G2E3: variants seen among roughly 807,000 people sequenced by gnomAD.
The protein encoded by G2E3 is G2/M phase-specific E3 ubiquitin-protein ligase.
G2E3 carries 35 observed loss-of-function variants against 92.8 expected under a neutral mutation model. The observed-to-expected ratio is 0.38, with a 90% CI of 0.29 to 0.50. The LOEUF (loss-of-function observed/expected upper bound fraction) is 0.50. G2E3 is among the 20% of genes least tolerant of loss of function. The pLI, the probability that G2E3 is intolerant of heterozygous loss-of-function variation, is 0.94. For missense variants in G2E3, 554 were observed against 823.8 expected, an observed-to-expected ratio of 0.67 and a Z score of 4.01; for synonymous variants, 242 against 272.4, an observed-to-expected ratio of 0.89 and a Z score of 1.10.
intron 1 of G2E3, among the ~76,000 whole-genome samples, chr14:30,566,910 A>G (rs1258886130): frequency 1.3e-5 from 2 of 152,152 alleles, no homozygotes; most frequent in Non-Finnish European, 2.9e-5. Flanking sequence ...TATTTTGTCA[A>G]ATGCTTTTTC....
intron 1 of G2E3, among the ~76,000 whole-genome samples, chr14:30,565,650 C>CTTTTTTTT (rs537643569): frequency 1.1e-4 from 7 of 62,254 alleles, no homozygotes; most frequent in Non-Finnish European, 2.0e-4. Context: ...AACTTCATTC[C>CTTTTTTTT]TTTTTTTTTT....
At chr14:30,563,740 A>G (rs1031267455) in intron 1 of G2E3, among the ~76,000 whole-genome samples, 58 of 126,024 alleles carry the variant, frequency 4.6e-4, no homozygotes, top group African/African-American at 1.9e-3. Flanking sequence ...TGTGTGTGTG[A>G]TATAGAGTCT....
At chr14:30,594,598 C>T (rs1038040046) in intron 6 of G2E3, among the ~76,000 whole-genome samples, 3 of 151,626 alleles carry the variant, frequency 2.0e-5, no homozygotes, top group Admixed American at 6.6e-5. Context: ...GAGGCTGAGG[C>T]GGGAGAATGG....
At chr14:30,595,948 G>T (rs2138862727) in intron 6 of G2E3, among the ~76,000 whole-genome samples, 1 of 152,152 alleles carries the variant, frequency 6.6e-6, no homozygotes, top group Middle Eastern at 3.4e-3. Context: ...CTCTAGTCTT[G>T]TTGGTATCTT....
chr14:30,617,708 TCTTTA>T lies in G2E3; in HGVS notation c.*1178_*1182del, dbSNP rs1882378938. 6.6e-6 allele frequency: 1 copy of T among 152,116 alleles called. No individual in the cohort carries two copies. Among genetic ancestry groups the T allele is most frequent in the Non-Finnish European group, 1.5e-5 (1 of 67,952 alleles). The allele number at this position is 152,116 out of a possible 1,614,324, so 9.4% of individuals were successfully genotyped here. A position where few individuals can be genotyped will look rare whatever the true frequency, so the allele number is the denominator to read the frequency against. ...TATTTCTGTGTATCCTTCTATAAAC[TCTTTA>T]CTTCTGTTTCCTTTATTTTTTAACT... On this transcript the variant is annotated 3_prime_UTR_variant, in exon 15 of 15. Transcript: ENST00000206595.
intron 1 of G2E3, chr14:30,560,898 T>A: frequency 1.5e-6 from 1 of 675,994 alleles, no homozygotes; most frequent in Non-Finnish European, 2.7e-6. Flanking sequence ...TAGAAAGGCA[T>A]TATAATGTGT....
intron 2 of G2E3, among the ~76,000 whole-genome samples, chr14:30,586,303 G>A (rs1284743224): frequency 6.6e-6 from 1 of 152,154 alleles, no homozygotes; most frequent in Non-Finnish European, 1.5e-5. Context: ...GGAATGGTAG[G>A]TGGGTAAGTT....
intron 1 of G2E3, among the ~76,000 whole-genome samples, chr14:30,570,007 T>C (rs746004356): frequency 2.6e-5 from 4 of 152,238 alleles, no homozygotes; most frequent in South Asian, 4.1e-4. Context: ...GTGTGAAATA[T>C]TTGTTTACTT....
chr14:30,611,289 G>A (rs781395614), intron 12 of G2E3: 3 of 152,174 alleles, frequency 2.0e-5, no homozygotes, highest in Admixed American at 6.5e-5. Context: ...TTATTACTCC[G>A]ACAGGGTGTA....
intron 12 of G2E3, among the ~76,000 whole-genome samples, chr14:30,609,382 C>G (rs143767529): frequency 6.6e-6 from 1 of 152,270 alleles, no homozygotes; most frequent in Non-Finnish European, 1.5e-5. Flanking sequence ...TGTCCAAAGG[C>G]CTTTTCTAAT....
chr14:30,585,901 G>A (rs757723557), intron 2 of G2E3, among the ~76,000 whole-genome samples: 1 of 152,066 alleles, frequency 6.6e-6, no homozygotes, highest in Non-Finnish European at 1.5e-5. Context: ...ACATCTCTGG[G>A]CATGCATGTG....
intron 10 of G2E3, among the ~76,000 whole-genome samples, chr14:30,603,280 C>T (rs1292000386): frequency 2.0e-5 from 3 of 149,578 alleles, no homozygotes; most frequent in Non-Finnish European, 4.4e-5. Context: ...CAGCCAAGGT[C>T]GCGCCACTGT....
rs1361853020 is a variant in G2E3 at position 30,619,446 on chromosome 14, T to C, written c.*2912T>C. On this transcript the variant is annotated 3_prime_UTR_variant, in exon 15 of 15. Coordinates refer to ENST00000206595, the MANE Select transcript of G2E3 (RefSeq NM_017769.5). ...ACATTATAAACATGTAATTCTTTTATATAGTGATTATCATGTACTGCATTG... is the reference window on the plus strand; with the variant it reads ...ACATTATAAACATGTAATTCTTTTACATAGTGATTATCATGTACTGCATTG... 6.6e-6 allele frequency: 1 copy of C among 152,184 alleles called. No individual in the cohort carries two copies. Among genetic ancestry groups the C allele is most frequent in the East Asian group, 1.9e-4 (1 of 5,202 alleles). The allele number at this position is 152,184 out of a possible 1,614,324, so 9.4% of individuals were successfully genotyped here.
rs1297825959 is a variant in G2E3 at position 30,593,536 on chromosome 14, T to C, written c.425T>C (p.Leu142Ser). Reference protein sequence around the residue: ...IITSNNYRESLPCTICLEFIE... With the variant: ...IITSNNYRESSPCTICLEFIE... The stretch of plus-strand genomic sequence containing the variant: ...ACATCTAATAATTATAGAGAGTCCT[T>C]ACCATGCACCATTTGCTTGGAATTT... Residue 142 changes from leucine (L) to serine (S), a missense_variant, in exon 6 of 15, where the codon TTA becomes TCA. Physicochemically the swap from Leu to Ser is moderately radical, Grantham distance 145 (BLOSUM62 -2). Transcript: ENST00000206595. 1 of 1,570,244 alleles carries C rather than the reference T, an allele frequency of 6.4e-7. No individual in the cohort carries two copies. The highest frequency in any genetic ancestry group is 8.8e-7 in the Non-Finnish European group (1 of 1,140,714).
Position 30,590,892 on chromosome 14 carries a change from C to A in G2E3, c.237+1408C>A, listed in dbSNP as rs114982182. ...ATCCCTTATCCAAAATGCTTGGAAC[C>A]AGAATTTTAGATTTGAAATTTTTTT... On this transcript the variant is annotated intron_variant, in intron 4 of 14. Coordinates refer to ENST00000206595, the MANE Select transcript of G2E3 (RefSeq NM_017769.5). The A allele has an allele frequency of 2.8e-3, 832 of 291,940 alleles. 8 individuals are homozygous for A. The highest frequency in any genetic ancestry group is 0.017 in the African/African-American group (775 of 44,702). 18.1% of individuals were successfully genotyped at this position (291,940 alleles called of 1,614,324 possible).
intron 12 of G2E3, 118 bp downstream of exon 12, chr14:30,608,187 A>T (rs1023993396): frequency 1.2e-5 from 7 of 605,178 alleles, no homozygotes; most frequent in East Asian, 9.5e-5. Flanking sequence ...GATTGTAAAC[A>T]TATATTTCTG....
intron 1 of G2E3, among the ~76,000 whole-genome samples, chr14:30,568,918 A>G (rs948525497): frequency 1.3e-5 from 2 of 152,070 alleles, no homozygotes; most frequent in African/African-American, 2.4e-5. Context: ...GCTTTGACTT[A>G]CTGTCTGGTG....
chr14:30,578,056 A>G (rs1880218133), intron 1 of G2E3, among the ~76,000 whole-genome samples: 1 of 152,132 alleles, frequency 6.6e-6, no homozygotes, highest in African/African-American at 2.4e-5. Context: ...GAAAACATCT[A>G]AAAGAAATTA....
chr14:30,562,588 G>A (rs998806100), intron 1 of G2E3, among the ~76,000 whole-genome samples: 28 of 152,130 alleles, frequency 1.8e-4, no homozygotes, highest in Admixed American at 9.2e-4. Context: ...TTAGCAGACC[G>A]GGAAAGGGAG....
Sources: allele counts gnomAD v4.1 joint callset (sites outside exome capture counted in the v4.1 genomes callset), GRCh38; gene constraint gnomAD v4.1.1; transcripts MANE v1.5; gene names NCBI Gene and HGNC (gene_info 2026-07-23, HGNC 2026-07-21).